The following PCDHA3 variants were observed in gnomAD, a reference collection of about 807,000 sequenced individuals.
The protein encoded by PCDHA3 is protocadherin alpha 3.
A neutral mutation model predicts 62.2 loss-of-function variants in PCDHA3; 41 were observed. That is an observed-to-expected ratio of 0.66 (90% CI 0.51 to 0.86). The LOEUF is 0.86. Ranked by LOEUF, PCDHA3 falls within the 40% of genes least tolerant of loss-of-function variation. The pLI is 0.00. For synonymous variants in PCDHA3, 640 were observed against 555.4 expected (o/e 1.15, Z -2.14); for missense variants, 1,304 against 1,241.2 (o/e 1.05, Z -0.76).
intron 1 of PCDHA3, chr5:140,877,662 C>T: frequency 6.2e-7 from 1 of 1,613,558 alleles, no homozygotes; most frequent in Non-Finnish European, 8.5e-7. Context: ...CCACCGTGAG[C>T]CGGTGCGCGC....
At chr5:140,967,690 C>T (rs782694266) in intron 1 of PCDHA3, 1 of 1,614,190 alleles carries the variant, frequency 6.2e-7, no homozygotes, top group Admixed American at 1.7e-5. Flanking sequence ...GGCAGCTCTT[C>T]AGCATAGATG....
chr5:140,882,057 A>C, intron 1 of PCDHA3: 1 of 790,730 alleles, frequency 1.3e-6, no homozygotes, highest in Non-Finnish European at 1.9e-6. Context: ...ACTTACACTT[A>C]CACGTTCATG....
rs377044316 is a variant in PCDHA3 at position 140,883,116 on chromosome 5, G to A, written c.2394+79525G>A. 14 of 1,613,818 alleles carry A rather than the reference G, an allele frequency of 8.7e-6. No homozygotes were observed. The African/African-American group carries it at 1.9e-4, about 22-fold the overall frequency. On this transcript the variant is annotated intron_variant, in intron 1 of 3. Coordinates refer to ENST00000522353, the MANE Select transcript of PCDHA3 (RefSeq NM_018906.3). ...GGAGATATAGTTTACTCATTTAGAAGGCCTGTATGGCCTGCAGTGGTATAT... is the reference window on the plus strand; with the variant it reads ...GGAGATATAGTTTACTCATTTAGAAAGCCTGTATGGCCTGCAGTGGTATAT...
intron 1 of PCDHA3, chr5:140,823,440 G>C: frequency 6.2e-7 from 1 of 1,613,368 alleles, no homozygotes. Flanking sequence ...TGTTCGTGCT[G>C]GACGAGAACG....
chr5:140,850,299 G>C (rs2150478562), intron 1 of PCDHA3: 2 of 1,596,610 alleles, frequency 1.3e-6, no homozygotes, highest in East Asian at 2.2e-5. Context: ...CGCCGACTCG[G>C]GCTACAACGC....
intron 1 of PCDHA3, among the ~76,000 whole-genome samples, chr5:140,947,710 A>G (rs2094165762): frequency 6.6e-6 from 1 of 151,556 alleles, no homozygotes; most frequent in African/African-American, 2.4e-5. Context: ...TTAAGTATTG[A>G]GGTTTCAAAA....
chr5:140,917,449 C>G (rs1290889939), intron 1 of PCDHA3, among the ~76,000 whole-genome samples: 1 of 152,006 alleles, frequency 6.6e-6, no homozygotes, highest in Admixed American at 6.6e-5. Context: ...GCTGCAAGAG[C>G]GTTTGGCATC....
chr5:140,859,378 T>G lies in PCDHA3; in HGVS notation c.2394+55787T>G. The G allele has an allele frequency of 7.4e-6, 2 of 268,578 alleles. 1 individual carries two copies. Among genetic ancestry groups the G allele is most frequent in the Non-Finnish European group, 1.3e-5 (2 of 148,378 alleles). The allele number at this position is 268,578 out of a possible 1,614,324, so 16.6% of individuals were successfully genotyped here. A position where few individuals can be genotyped will look rare whatever the true frequency, so the allele number is the denominator to read the frequency against. On this transcript the variant is annotated intron_variant, in intron 1 of 3. Transcript: ENST00000522353. ...CTGATATATTGTATAGTTTAATAGCTTCTCTAGTCATCTTAAACAGGGTTG... is the reference window on the plus strand; with the variant it reads ...CTGATATATTGTATAGTTTAATAGCGTCTCTAGTCATCTTAAACAGGGTTG...
Position 140,848,909 on chromosome 5 carries a change from G to T in PCDHA3, c.2394+45318G>T, listed in dbSNP as rs2150424301. 6.2e-5 allele frequency: 99 copies of T among 1,608,232 alleles called. No individual in the cohort carries two copies. The African/African-American group carries it at 1.2e-3, about 19-fold the overall frequency. ...CTCCAGTGTTCCCAGCGACACAAAA[G>T]AATCTGTTCATCGCGGAATCCAGGC... On this transcript the variant is annotated intron_variant, in intron 1 of 3. Transcript: ENST00000522353.
chr5:140,858,663 C>A, intron 1 of PCDHA3: 1 of 735,366 alleles, frequency 1.4e-6, no homozygotes, highest in Non-Finnish European at 2.1e-6. Flanking sequence ...TTTTAAATAA[C>A]AATTTATTCT....
At chr5:141,007,977 T>A (rs564286183) in intron 3 of PCDHA3, among the ~76,000 whole-genome samples, 20 of 152,362 alleles carry the variant, frequency 1.3e-4, no homozygotes, top group African/African-American at 4.8e-4. Flanking sequence ...GTCTGTCATG[T>A]ATATATGAAA....
At chr5:140,972,276 A>G (rs1471308188) in intron 1 of PCDHA3, among the ~76,000 whole-genome samples, 1 of 150,442 alleles carries the variant, frequency 6.6e-6, no homozygotes, top group Non-Finnish European at 1.5e-5. Flanking sequence ...AGTAGCTTGG[A>G]CCATAGATGT....
chr5:141,008,633 A>G (rs1212403774), intron 3 of PCDHA3, among the ~76,000 whole-genome samples: 1 of 152,212 alleles, frequency 6.6e-6, no homozygotes, highest in African/African-American at 2.4e-5. Context: ...AGTATAATTA[A>G]CAATTTCTTC....
At chr5:140,820,147 A>G (rs1240842314) in intron 1 of PCDHA3, among the ~76,000 whole-genome samples, 1 of 152,006 alleles carries the variant, frequency 6.6e-6, no homozygotes, top group Non-Finnish European at 1.5e-5. Context: ...TTTCAAAATT[A>G]TCAGTATGAA....
intron 1 of PCDHA3, chr5:140,843,500 C>T: frequency 1.3e-6 from 2 of 1,596,010 alleles, no homozygotes; most frequent in South Asian, 1.1e-5. Flanking sequence ...CTCAGCACTG[C>T]CCACTGAGGG....
chr5:140,945,709 G>T (rs1033770128), intron 1 of PCDHA3, among the ~76,000 whole-genome samples: 1 of 151,930 alleles, frequency 6.6e-6, no homozygotes. Flanking sequence ...TGCAACAAAA[G>T]TATCAAGAAT....
At chr5:140,991,691 A>G (rs2153897191) in intron 3 of PCDHA3, among the ~76,000 whole-genome samples, 1 of 152,286 alleles carries the variant, frequency 6.6e-6, no homozygotes, top group Middle Eastern at 3.4e-3. Flanking sequence ...TCTCTAGTAG[A>G]GCCATTAATA....
chr5:140,883,393 C>G, intron 1 of PCDHA3: 1 of 1,614,160 alleles, frequency 6.2e-7, no homozygotes, highest in South Asian at 1.1e-5. Context: ...TCAGTGTGTC[C>G]GATCGTGACT....
chr5:140,858,473 A>G (rs1055200728), intron 1 of PCDHA3: 2 of 1,518,350 alleles, frequency 1.3e-6, no homozygotes, highest in Non-Finnish European at 1.8e-6. Context: ...TTTGTGCTTT[A>G]TGAATAATAT....
Sources: gnomAD v4.1 joint callset for allele counts (sites outside exome capture counted in the v4.1 genomes callset) on GRCh38, gnomAD v4.1.1 for gene constraint, MANE v1.5 for transcripts, NCBI Gene and HGNC (gene_info 2026-07-23, HGNC 2026-07-21) for gene names.